TMEM266: variants seen among roughly 807,000 people sequenced by gnomAD.
The protein encoded by TMEM266 is transmembrane protein 266.
In TMEM266, 33 loss-of-function variants were observed where a neutral mutation model predicts 50.5. That is an observed-to-expected ratio of 0.65 (90% CI 0.50 to 0.87). TMEM266 has a LOEUF of 0.87. TMEM266 is among the 40% of genes least tolerant of loss of function. The probability of loss-of-function intolerance (pLI) is 0.00; values close to 1 mark genes in which losing one functional copy is unlikely to be tolerated. For missense variants in TMEM266, 655 were observed against 695.1 expected (o/e 0.94, Z 0.65); for synonymous variants, 310 against 292.3 (o/e 1.06, Z -0.62).
intron 8 of TMEM266, among the ~76,000 whole-genome samples, chr15:76,185,643 T>C (rs2038481181): frequency 6.6e-6 from 1 of 152,252 alleles, no homozygotes. Flanking sequence ...GATAACCACA[T>C]GTTTTTCTGC....
intron 1 of TMEM266, among the ~76,000 whole-genome samples, chr15:76,098,830 T>C (rs1468351270): frequency 6.6e-6 from 1 of 152,174 alleles, no homozygotes; most frequent in African/African-American, 2.4e-5. Flanking sequence ...TGAGCTGCAG[T>C]GGACTCTGCC....
intron 8 of TMEM266, among the ~76,000 whole-genome samples, chr15:76,183,103 CTTTTTTTTTTTT>C (rs71140199): frequency 7.2e-4 from 32 of 44,170 alleles, no homozygotes; most frequent in Admixed American, 1.9e-3. Context: ...CATTTTGTGG[CTTTTTTTTTTTT>C]TTTTTTTTTT....
chr15:76,171,220 A>C, intron 7 of TMEM266, 89 bp downstream of exon 7: 1 of 1,522,584 alleles, frequency 6.6e-7, no homozygotes, highest in Non-Finnish European at 8.9e-7. Flanking sequence ...ATGGGGGTAC[A>C]CCCTGCTGGC....
intron 1 of TMEM266, among the ~76,000 whole-genome samples, chr15:76,082,435 A>G (rs763903185): frequency 6.6e-6 from 1 of 152,252 alleles, no homozygotes; most frequent in Non-Finnish European, 1.5e-5. Context: ...AGAGTTGGTC[A>G]GGAAGAGAGA....
chr15:76,064,630 G>A (rs1214805117), intron 1 of TMEM266, among the ~76,000 whole-genome samples: 1 of 152,214 alleles, frequency 6.6e-6, no homozygotes, highest in South Asian at 2.1e-4. Flanking sequence ...CCCGCCAGGA[G>A]AGGATTTCCC....
intron 1 of TMEM266, among the ~76,000 whole-genome samples, chr15:76,122,947 G>GT (rs2037366219): frequency 6.6e-6 from 1 of 152,218 alleles, no homozygotes; most frequent in Admixed American, 6.5e-5. Context: ...TCTGAAAAGA[G>GT]TAACTGAGTA....
intron 1 of TMEM266, among the ~76,000 whole-genome samples, chr15:76,130,285 T>A (rs953262856): frequency 2.3e-5 from 3 of 129,934 alleles, no homozygotes; most frequent in Non-Finnish European, 4.7e-5. Context: ...TGCCTGTAAT[T>A]CCAGCACTTT....
intron 6 of TMEM266, 120 bp from the exon 7 acceptor site, chr15:76,170,873 C>T: frequency 7.7e-7 from 1 of 1,296,546 alleles, no homozygotes; most frequent in Non-Finnish European, 1.0e-6. Context: ...GTGGGGTGGC[C>T]TTCTGGTGGG....
chr15:76,185,902 C>T (rs912698367), intron 8 of TMEM266, among the ~76,000 whole-genome samples: 1 of 152,122 alleles, frequency 6.6e-6, no homozygotes, highest in Non-Finnish European at 1.5e-5. Flanking sequence ...AGTCCATTTG[C>T]CTTATTGGAC....
intron 1 of TMEM266, among the ~76,000 whole-genome samples, chr15:76,099,391 T>C (rs1311164361): frequency 1.3e-5 from 2 of 152,198 alleles, no homozygotes; most frequent in Non-Finnish European, 2.9e-5. Flanking sequence ...TCAGCTCACT[T>C]TCTGTGGGTT....
chr15:76,134,188 C>A lies in TMEM266; in HGVS notation c.-76C>A. On this transcript the variant is annotated 5_prime_UTR_variant, in exon 2 of 11. Coordinates refer to ENST00000388942, the MANE Select transcript of TMEM266 (RefSeq NM_152335.3). ...TTCAGGGCACTATATTTGTATGTGT[C>A]TTGTAGAACCCACGCTTGGAAATGC... is the stretch of plus-strand genomic sequence containing the variant. 1.3e-6 allele frequency: 2 copies of A among 1,528,092 alleles called. No individual in the cohort carries two copies. Among genetic ancestry groups the A allele is most frequent in the South Asian group, 1.1e-5 (1 of 88,320 alleles). The allele number at this position is 1,528,092 out of a possible 1,614,324, so 94.7% of individuals were successfully genotyped here.
Position 76,192,167 on chromosome 15 carries a change from G to A in TMEM266, c.958+10G>A, listed in dbSNP as rs2038585837. 2.2e-6 allele frequency: 3 copies of A among 1,394,530 alleles called. No homozygotes were observed. Among genetic ancestry groups the A allele is most frequent in the Admixed American group, 6.9e-5 (2 of 29,022 alleles). The allele number at this position is 1,394,530 out of a possible 1,614,324, so 86.4% of individuals were successfully genotyped here. ...CTGCAGCCCTCGCAAGGTAAGCCCG[G>A]GTCTCCACCCGGCCCCAGAGTGTCA... is the stretch of plus-strand genomic sequence containing the variant. On this transcript the variant is annotated intron_variant, in intron 9 of 10. Transcript: ENST00000388942.
At chr15:76,156,820 C>A in intron 4 of TMEM266, 62 bp downstream of exon 4, 1 of 1,553,414 alleles carries the variant, frequency 6.4e-7, no homozygotes, top group Non-Finnish European at 8.8e-7. Flanking sequence ...TGTGCATCTG[C>A]ATTCATCAGG....
chr15:76,071,243 T>C (rs1173732034), intron 1 of TMEM266, among the ~76,000 whole-genome samples: 2 of 152,168 alleles, frequency 1.3e-5, no homozygotes, highest in East Asian at 1.9e-4. Flanking sequence ...ATTCCTGTCA[T>C]GGGATGTCGA....
At chr15:76,152,416 G>A (rs2037858519) in intron 3 of TMEM266, among the ~76,000 whole-genome samples, 1 of 152,206 alleles carries the variant, frequency 6.6e-6, no homozygotes, top group Admixed American at 6.5e-5. Context: ...AGCTGCCTCG[G>A]GTTTCTTGGG....
At chr15:76,140,797 G>A (rs112069047) in intron 3 of TMEM266, among the ~76,000 whole-genome samples, 14,112 of 151,786 alleles carry the variant, frequency 0.093, 992 homozygotes, top group Admixed American at 0.21. Flanking sequence ...CACTTTGGGA[G>A]GCTGAGGTGA....
At chr15:76,154,502 T>G (rs1416828406) in intron 3 of TMEM266, among the ~76,000 whole-genome samples, 1 of 152,028 alleles carries the variant, frequency 6.6e-6, no homozygotes, top group East Asian at 1.9e-4. Flanking sequence ...TCTCCTCCTG[T>G]TTTCTGCTTG....
chr15:76,101,846 G>C (rs1385557178), intron 1 of TMEM266, among the ~76,000 whole-genome samples: 1 of 152,240 alleles, frequency 6.6e-6, no homozygotes, highest in Non-Finnish European at 1.5e-5. Flanking sequence ...ACACAGGTTG[G>C]GGGTAGATGC....
intron 9 of TMEM266, among the ~76,000 whole-genome samples, chr15:76,196,599 C>T (rs755131958): frequency 1.3e-5 from 2 of 151,284 alleles, no homozygotes; most frequent in South Asian, 2.1e-4. Flanking sequence ...TTCAGGCCAG[C>T]GAGGCTCTGA....
Sources: gnomAD v4.1 joint callset for allele counts (sites outside exome capture counted in the v4.1 genomes callset) on GRCh38, gnomAD v4.1.1 for gene constraint, MANE v1.5 for transcripts, NCBI Gene and HGNC (gene_info 2026-07-23, HGNC 2026-07-21) for gene names.